NAALADL2: variants seen among roughly 807,000 people sequenced by gnomAD.
NAALADL2 encodes the protein inactive N-acetylated-alpha-linked acidic dipeptidase-like protein 2.
NAALADL2 carries 76 observed loss-of-function variants against 87.2 expected under a neutral mutation model. That is an observed-to-expected ratio of 0.87 (90% CI 0.72 to 1.05). The LOEUF (loss-of-function observed/expected upper bound fraction) is 1.05, where lower values mean the gene tolerates loss of function less well. Ranked by LOEUF, NAALADL2 falls within the 50% of genes least tolerant of loss-of-function variation. NAALADL2 has a pLI of 0.00. For synonymous variants in NAALADL2, 354 were observed against 331.0 expected (o/e 1.07, Z -0.75); for missense variants, 1,089 against 945.8 (o/e 1.15, Z -1.99).
At chr3:175,033,741 C>G (rs1351671736) in intron 1 of NAALADL2, among the ~76,000 whole-genome samples, 1 of 152,142 alleles carries the variant, frequency 6.6e-6, no homozygotes, top group Non-Finnish European at 1.5e-5. Context: ...AAGCTCAATG[C>G]TTGGAACTCT....
intron 2 of NAALADL2, among the ~76,000 whole-genome samples, chr3:174,693,399 A>C (rs910549071): frequency 2.0e-5 from 3 of 152,150 alleles, no homozygotes; most frequent in African/African-American, 7.2e-5. Flanking sequence ...TGTTTTCTTA[A>C]ATGCATTTTG....
intron 5 of NAALADL2, among the ~76,000 whole-genome samples, chr3:175,330,490 T>C (rs907009989): frequency 7.9e-5 from 12 of 151,386 alleles, no homozygotes; most frequent in African/African-American, 2.7e-4. Context: ...CAGACCGCAA[T>C]GGAATAAACC....
chr3:174,748,341 T>A lies in NAALADL2; in HGVS notation c.-9+10595T>A, dbSNP rs565918961. Among the ~76,000 whole-genome samples the A allele has an allele frequency of 1.6e-3, 217 of 138,322 alleles. 1 individual carries two copies. Among genetic ancestry groups the A allele is most frequent in the African/African-American group, 5.4e-3 (207 of 38,272 alleles). The allele number at this position is 138,322 out of a possible 152,430, so 90.7% of individuals were successfully genotyped here. A position where few individuals can be genotyped will look rare whatever the true frequency, so the allele number is the denominator to read the frequency against. The stretch of plus-strand genomic sequence containing the variant: ...AATAAATTACATTTTTTTTTTTTTT[T>A]TAAAAAGAGGCCACTAGAAGGTGGC... On this transcript the variant is annotated intron_variant, in intron 3 of 3. Coordinates refer to the NAALADL2 transcript ENST00000434257.
intron 2 of NAALADL2, among the ~76,000 whole-genome samples, chr3:174,654,644 A>G (rs1439794806): frequency 1.3e-5 from 2 of 152,198 alleles, no homozygotes; most frequent in Non-Finnish European, 2.9e-5. Context: ...ACCTGCTGCC[A>G]TGTTTTCTTT....
rs945200550 is a variant in NAALADL2, at chr3:174,675,169, C to A, written c.-114-62472C>A. 3.9e-5 allele frequency among the ~76,000 whole-genome samples: 6 copies of A among 152,022 alleles called. 1 individual carries two copies. Among genetic ancestry groups the A allele is most frequent in the African/African-American group, 1.4e-4 (6 of 41,410 alleles). On this transcript the variant is annotated intron_variant, in intron 2 of 3. Transcript: ENST00000434257. Reference sequence around the variant, plus strand: ...TTCAAGAGATGGTTTGTTCCTTTAGCAACTTTTGGAAATAAGTATTTCACT... The same window carrying A: ...TTCAAGAGATGGTTTGTTCCTTTAGAAACTTTTGGAAATAAGTATTTCACT...
intron 1 of NAALADL2, among the ~76,000 whole-genome samples, chr3:174,920,318 A>T (rs1734986676): frequency 6.6e-6 from 1 of 152,230 alleles, no homozygotes; most frequent in South Asian, 2.1e-4. Flanking sequence ...TGTTTAGAGT[A>T]GCCATCTTCA....
chr3:175,103,689 A>G (rs1722620051), intron 2 of NAALADL2, among the ~76,000 whole-genome samples: 1 of 152,204 alleles, frequency 6.6e-6, no homozygotes, highest in African/African-American at 2.4e-5. Context: ...AGATACAAAT[A>G]AGTTCATTTA....
intron 4 of NAALADL2, among the ~76,000 whole-genome samples, chr3:175,300,788 T>TTTATTTATTTA (rs1373003655): frequency 1.8e-5 from 2 of 112,618 alleles, no homozygotes; most frequent in African/African-American, 7.1e-5. Flanking sequence ...TATTTATTTA[T>TTTATTTATTTA]TTTATTTTAT....
chr3:175,013,299 A>ATT lies in NAALADL2; in HGVS notation c.44-83490_44-83489insTT, dbSNP rs1303778794. Among the ~76,000 whole-genome samples, 564 of 75,096 alleles carry ATT rather than the reference A, an allele frequency of 7.5e-3. 13 individuals are homozygous for ATT. Among genetic ancestry groups the ATT allele is most frequent in the South Asian group, 0.016 (36 of 2,296 alleles). 49.3% of individuals were successfully genotyped at this position (75,096 alleles called of 152,430 possible). On this transcript the variant is annotated intron_variant, in intron 1 of 13. Transcript: ENST00000454872. ...TATACATATATATATATATATATAT[A>ATT]TATTTTTTTTTTTTTTTGAGACAGG...
intron 1 of NAALADL2, among the ~76,000 whole-genome samples, chr3:174,997,141 A>G (rs1747608419): frequency 6.6e-6 from 1 of 151,734 alleles, no homozygotes; most frequent in African/African-American, 2.4e-5. Flanking sequence ...GCAGCTATAA[A>G]TGTGTGTGCA....
intron 8 of NAALADL2, among the ~76,000 whole-genome samples, chr3:175,470,603 G>A (rs1168155248): frequency 6.6e-6 from 1 of 152,038 alleles, no homozygotes; most frequent in African/African-American, 2.4e-5. Flanking sequence ...ACTTTCCCAA[G>A]TTATGACATA....
intron 1 of NAALADL2, among the ~76,000 whole-genome samples, chr3:174,935,903 A>G (rs967080894): frequency 6.6e-6 from 1 of 152,176 alleles, no homozygotes; most frequent in Non-Finnish European, 1.5e-5. Context: ...TAAAGATAGA[A>G]TATTTTGGGT....
intron 2 of NAALADL2, among the ~76,000 whole-genome samples, chr3:174,623,478 C>A (rs1025575891): frequency 6.6e-6 from 1 of 151,746 alleles, no homozygotes; most frequent in African/African-American, 2.4e-5. Context: ...CTAGTATATA[C>A]ATGTATTTTA....
intron 2 of NAALADL2, among the ~76,000 whole-genome samples, chr3:175,147,895 C>A (rs2108764169): frequency 6.6e-6 from 1 of 151,816 alleles, no homozygotes; most frequent in East Asian, 1.9e-4. Context: ...CATGGTGAAA[C>A]CTCGTCTCTT....
intron 2 of NAALADL2, among the ~76,000 whole-genome samples, chr3:174,712,179 A>G (rs1730704161): frequency 6.6e-6 from 1 of 152,162 alleles, no homozygotes; most frequent in African/African-American, 2.4e-5. Flanking sequence ...TGGATGAGTT[A>G]TTGATTCTCA....
chr3:175,021,578 T>C (rs953667068), intron 1 of NAALADL2, among the ~76,000 whole-genome samples: 1 of 152,074 alleles, frequency 6.6e-6, no homozygotes, highest in African/African-American at 2.4e-5. Flanking sequence ...GTGTTTCGTA[T>C]TGAACTTGTG....
At chr3:175,323,393 A>G (rs1027342075) in intron 4 of NAALADL2, among the ~76,000 whole-genome samples, 4 of 149,630 alleles carry the variant, frequency 2.7e-5, no homozygotes, top group Admixed American at 6.7e-5. Flanking sequence ...ATGCTAGATG[A>G]CGAGTTAGTG....
intron 2 of NAALADL2, among the ~76,000 whole-genome samples, chr3:175,119,623 A>G (rs1202731802): frequency 6.6e-6 from 1 of 150,552 alleles, no homozygotes; most frequent in East Asian, 2.0e-4. Context: ...GAAAAGCCTT[A>G]TATGACATCT....
At chr3:174,969,224 G>A (rs1327751034) in intron 1 of NAALADL2, among the ~76,000 whole-genome samples, 2 of 152,050 alleles carry the variant, frequency 1.3e-5, no homozygotes, top group African/African-American at 4.8e-5. Context: ...CTGCTAGCAG[G>A]TATTCCATCC....
Sources: gnomAD v4.1 joint callset for allele counts (sites outside exome capture counted in the v4.1 genomes callset) on GRCh38, gnomAD v4.1.1 for gene constraint, MANE v1.5 for transcripts, NCBI Gene and HGNC (gene_info 2026-07-23, HGNC 2026-07-21) for gene names.